Variants in CAMTA1 observed in about 807,000 individuals in gnomAD.
CAMTA1 encodes calmodulin binding transcription activator 1.
In CAMTA1, 27 loss-of-function variants were observed where a neutral mutation model predicts 170.9. The ratio of observed to expected loss-of-function variants is 0.16; its 90% CI spans 0.12 to 0.22. CAMTA1 has a LOEUF of 0.22. CAMTA1 is among the 10% of genes least tolerant of loss of function. The pLI is 1.00. For missense variants in CAMTA1, 1,619 were observed against 2,217.2 expected (o/e 0.73, Z 5.42); for synonymous variants, 833 against 891.5 (o/e 0.93, Z 1.17).
chr1:7,287,764 A>G (rs2149487382), intron 5 of CAMTA1, among the ~76,000 whole-genome samples: 1 of 152,340 alleles, frequency 6.6e-6, no homozygotes, highest in Admixed American at 6.5e-5. Context: ...GTTCCCCTCC[A>G]GGTGGTGACT....
chr1:7,440,456 G>A lies in CAMTA1; in HGVS notation c.439-27374G>A, dbSNP rs1283442601. 2.0e-5 allele frequency among the ~76,000 whole-genome samples: 3 copies of A among 152,260 alleles called. 1 individual carries two copies. The highest frequency in any genetic ancestry group is 4.8e-5 in the African/African-American group (2 of 41,476). ...GCCTGGGAGTTCCACGGCACCGGCTGAACCTGCATCTTGAAGGTTTGATTG... is the reference window on the plus strand; with the variant it reads ...GCCTGGGAGTTCCACGGCACCGGCTAAACCTGCATCTTGAAGGTTTGATTG... On this transcript the variant is annotated intron_variant, in intron 5 of 22. Transcript: ENST00000303635.
In CAMTA1 at chr1:7,732,774, TATGGAAGAAGCCTTGGA is replaced by T; in HGVS notation, c.3066+179_3066+195del. ...CTTTTAAGCATTATAATCTGTGCAG[TATGGAAGAAGCCTTGGA>T]ATGTGGAGCTTCTCAGTTGTTTACC... On this transcript the variant is annotated intron_variant, in intron 12 of 22. Transcript: ENST00000303635. The surrounding 1 kb of genome is among the most constrained non-coding windows in gnomAD (Gnocchi z 4.1). Among the ~76,000 whole-genome samples, 2 of 152,264 alleles carry T rather than the reference TATGGAAGAAGCCTTGGA, an allele frequency of 1.3e-5. No homozygotes were observed. Among genetic ancestry groups the T allele is most frequent in the African/African-American group, 4.8e-5 (2 of 41,550 alleles).
intron 1 of CAMTA1, among the ~76,000 whole-genome samples, chr1:6,800,374 T>C (rs1643595888): frequency 6.6e-6 from 1 of 152,096 alleles, no homozygotes; most frequent in Non-Finnish European, 1.5e-5. Flanking sequence ...GCCACTGCAC[T>C]CCAGTCTGGA....
chr1:7,671,946 C>A, intron 10 of CAMTA1: 1 of 453,934 alleles, frequency 2.2e-6, no homozygotes, highest in Non-Finnish European at 4.4e-6. Context: ...GAGATTGTGA[C>A]GGAATGAATG....
chr1:7,326,040 G>A (rs1466318728), intron 5 of CAMTA1, among the ~76,000 whole-genome samples: 2 of 152,094 alleles, frequency 1.3e-5, no homozygotes, highest in African/African-American at 2.4e-5. Flanking sequence ...TGTATTTTTA[G>A]TAGAGACAGT....
chr1:7,390,861 A>G (rs1459110626), intron 5 of CAMTA1, among the ~76,000 whole-genome samples: 1 of 152,172 alleles, frequency 6.6e-6, no homozygotes, highest in Non-Finnish European at 1.5e-5. Flanking sequence ...TGGGGGCTGG[A>G]CTTGTTTAGC....
At chr1:7,420,228 GC>G (rs1177654588) in intron 5 of CAMTA1, among the ~76,000 whole-genome samples, 1 of 152,060 alleles carries the variant, frequency 6.6e-6, no homozygotes, top group African/African-American at 2.4e-5. Context: ...TGCACACTTG[GC>G]CGCCTGGCTC....
chr1:6,976,604 G>C (rs972383741), intron 3 of CAMTA1, among the ~76,000 whole-genome samples: 1 of 152,188 alleles, frequency 6.6e-6, no homozygotes, highest in Non-Finnish European at 1.5e-5. Context: ...TAGGTGAGTG[G>C]CTTGCCCAGG....
intron 5 of CAMTA1, among the ~76,000 whole-genome samples, chr1:7,403,080 C>T (rs879271435): frequency 2.6e-5 from 4 of 152,106 alleles, no homozygotes; most frequent in Non-Finnish European, 4.4e-5. Flanking sequence ...CACCCAGGCG[C>T]GGTGGCTCAC....
At chr1:7,735,057 G>A (rs950165732) in intron 12 of CAMTA1, among the ~76,000 whole-genome samples, 3 of 152,108 alleles carry the variant, frequency 2.0e-5, no homozygotes, top group Non-Finnish European at 2.9e-5. Context: ...AGCCCTTATT[G>A]TTATTAATAA....
intron 3 of CAMTA1, among the ~76,000 whole-genome samples, chr1:6,857,268 TG>T (rs1236131862): frequency 6.6e-6 from 1 of 152,154 alleles, no homozygotes; most frequent in Non-Finnish European, 1.5e-5. Flanking sequence ...CATTCAGAAC[TG>T]GTGATGGATT....
At chr1:7,172,349 C>T (rs1232025355) in intron 4 of CAMTA1, among the ~76,000 whole-genome samples, 2 of 152,178 alleles carry the variant, frequency 1.3e-5, no homozygotes, top group East Asian at 3.9e-4. Context: ...AGGGTTTCAC[C>T]GTGTTGGCCA....
intron 6 of CAMTA1, among the ~76,000 whole-genome samples, chr1:7,519,249 C>T (rs556451481): frequency 6.6e-6 from 1 of 152,146 alleles, no homozygotes; most frequent in Admixed American, 6.5e-5. Flanking sequence ...ACAGCCCTCA[C>T]CTGTCTCCTT....
At chr1:7,679,893 T>C (rs2096170077) in intron 11 of CAMTA1, among the ~76,000 whole-genome samples, 1 of 152,222 alleles carries the variant, frequency 6.6e-6, no homozygotes, top group South Asian at 2.1e-4. Flanking sequence ...CTGGGCCAGT[T>C]GTCCTTTCAA....
chr1:7,212,038 T>A (rs1296691172), intron 4 of CAMTA1, among the ~76,000 whole-genome samples: 2 of 152,162 alleles, frequency 1.3e-5, no homozygotes, highest in African/African-American at 4.8e-5. Flanking sequence ...TATAAAATAA[T>A]GAAATAAGAG....
At chr1:7,167,886 C>G (rs915382185) in intron 4 of CAMTA1, among the ~76,000 whole-genome samples, 3 of 152,052 alleles carry the variant, frequency 2.0e-5, no homozygotes, top group African/African-American at 7.2e-5. Context: ...GTAGCTAGGA[C>G]TACAGGCATG....
At chr1:7,276,302 T>TATATATATATATATA (rs1249165240) in intron 5 of CAMTA1, among the ~76,000 whole-genome samples, 4 of 13,670 alleles carry the variant, frequency 2.9e-4, no homozygotes, top group African/African-American at 9.9e-4. Flanking sequence ...TATATATATA[T>TATATATATATATATA]ATTTTTTTTT....
At chr1:6,795,654 G>A (rs1322731183) in intron 1 of CAMTA1, among the ~76,000 whole-genome samples, 1 of 152,116 alleles carries the variant, frequency 6.6e-6, no homozygotes, top group South Asian at 2.1e-4. Context: ...TTCTGAGCAA[G>A]GAATGACTTT....
intron 3 of CAMTA1, among the ~76,000 whole-genome samples, chr1:7,025,411 G>A (rs956366643): frequency 1.3e-5 from 2 of 152,154 alleles, no homozygotes; most frequent in Non-Finnish European, 2.9e-5. Flanking sequence ...AAGGCTGCAG[G>A]GCCTTGGAAG....
Sources: gnomAD v4.1 joint callset for allele counts (sites outside exome capture counted in the v4.1 genomes callset) on GRCh38, gnomAD v4.1.1 for gene constraint, Gnocchi (gnomAD v3.1) non-coding constraint, MANE v1.5 for transcripts, NCBI Gene and HGNC (gene_info 2026-07-23, HGNC 2026-07-21) for gene names.